The following AVEN variants were observed in gnomAD, a reference collection of about 807,000 sequenced individuals.
AVEN encodes cell death regulator Aven.
In AVEN, 41 loss-of-function variants were observed where a neutral mutation model predicts 38.1. The observed-to-expected ratio is 1.08, with a 90% CI of 0.84 to 1.40. The LOEUF (loss-of-function observed/expected upper bound fraction) is 1.40. Ranked by LOEUF, AVEN falls within the 40% of genes most tolerant of loss-of-function variation. The pLI is 0.00. For missense variants in AVEN, 605 were observed against 438.8 expected, an observed-to-expected ratio of 1.38 and a Z score of -3.38; for synonymous variants, 206 against 171.8, an observed-to-expected ratio of 1.20 and a Z score of -1.56.
At chr15:33,991,199 G>C (rs545289744) in intron 2 of AVEN, 2 of 152,230 alleles carry the variant, frequency 1.3e-5, no homozygotes, top group Non-Finnish European at 2.9e-5. Flanking sequence ...GTGTTTGACG[G>C]TATTAAATCC....
At chr15:34,004,308 G>A (rs1897248234) in intron 1 of AVEN, among the ~76,000 whole-genome samples, 2 of 152,008 alleles carry the variant, frequency 1.3e-5, no homozygotes, top group African/African-American at 4.8e-5. Context: ...AGAGCATGCA[G>A]AAAGATGCAC....
intron 2 of AVEN, among the ~76,000 whole-genome samples, chr15:33,943,172 G>C (rs888150693): frequency 1.3e-5 from 2 of 152,154 alleles, no homozygotes; most frequent in African/African-American, 4.8e-5. Context: ...ATGTTCATAG[G>C]AGCACAATTC....
At chr15:34,074,414 G>T (rs1028973005) in intron 1 of AVEN, among the ~76,000 whole-genome samples, 1 of 152,180 alleles carries the variant, frequency 6.6e-6, no homozygotes, top group Non-Finnish European at 1.5e-5. Flanking sequence ...AAACTGGGTG[G>T]TTTAGAACAA....
At chr15:34,044,236 C>T (rs1476019206) in intron 5 of AVEN, among the ~76,000 whole-genome samples, 7 of 152,170 alleles carry the variant, frequency 4.6e-5, no homozygotes, top group Non-Finnish European at 2.9e-5. Context: ...GCTATTTTAT[C>T]CACTCCTCAA....
chr15:34,052,333 TA>T (rs200125386), intron 5 of AVEN, among the ~76,000 whole-genome samples: 2,408 of 152,224 alleles, frequency 0.016, 81 homozygotes, highest in African/African-American at 0.055. Context: ...GCTAGGTATT[TA>T]AAAAACATAC....
At chr15:33,860,520 T>C (rs1597105294) in intron 11 of AVEN, 3 of 838,676 alleles carry the variant, frequency 3.6e-6, no homozygotes, top group Middle Eastern at 2.3e-4. Flanking sequence ...CAGAACAAAG[T>C]AGCTTCTTCC....
At chr15:33,864,982 T>C (rs919597607), downstream of AVEN, 2 of 600,488 alleles carry the variant, frequency 3.3e-6, no homozygotes, top group Non-Finnish European at 5.9e-6. Context: ...CAGCCTGTGC[T>C]GGGAATAGAG....
At chr15:33,853,405 G>T in the AVEN span, 2 of 1,044,598 alleles carry the variant, frequency 1.9e-6, no homozygotes, top group Non-Finnish European at 2.7e-6. Context: ...TTTTTCTCTG[G>T]GTTTTCTCTT....
intron 2 of AVEN, among the ~76,000 whole-genome samples, chr15:33,984,315 A>G (rs1896323928): frequency 6.6e-6 from 1 of 152,138 alleles, no homozygotes; most frequent in South Asian, 2.1e-4. Flanking sequence ...AAGTAATTGG[A>G]CCTTAATGTC....
intron 2 of AVEN, among the ~76,000 whole-genome samples, chr15:33,897,591 A>C (rs1218071110): frequency 1.3e-5 from 2 of 152,008 alleles, no homozygotes; most frequent in Non-Finnish European, 2.9e-5. Context: ...TTTTTAAACA[A>C]CAGCTGCCAG....
chr15:33,955,592 T>C (rs982966943), intron 2 of AVEN, among the ~76,000 whole-genome samples: 135 of 152,284 alleles, frequency 8.9e-4, no homozygotes, highest in African/African-American at 3.2e-3. Flanking sequence ...TTATGAATTT[T>C]AGAATTCTGA....
intron 2 of AVEN, among the ~76,000 whole-genome samples, chr15:33,941,574 C>T (rs566227255): frequency 2.6e-5 from 4 of 152,024 alleles, no homozygotes; most frequent in African/African-American, 9.6e-5. Flanking sequence ...GGGAACCGCA[C>T]AATTTACATT....
At chr15:33,923,669 T>A (rs605185) in intron 2 of AVEN, among the ~76,000 whole-genome samples, 107,690 of 151,872 alleles carry the variant, frequency 0.71, 38,330 homozygotes, top group East Asian at 0.81. Flanking sequence ...CTCAAGTGGT[T>A]GTTTGCCCAC....
intron 2 of AVEN, among the ~76,000 whole-genome samples, chr15:33,998,165 A>C (rs1567457579): frequency 1.3e-5 from 2 of 152,134 alleles, no homozygotes; most frequent in African/African-American, 4.8e-5. Flanking sequence ...AAACTGCCCA[A>C]GCCCCAGCAA....
intron 2 of AVEN, among the ~76,000 whole-genome samples, chr15:33,955,843 T>C (rs982514785): frequency 6.6e-6 from 1 of 152,168 alleles, no homozygotes; most frequent in African/African-American, 2.4e-5. Flanking sequence ...TAATTCACCA[T>C]AAGAAAAGCT....
At chr15:34,008,735 G>A (rs564698182) in intron 1 of AVEN, among the ~76,000 whole-genome samples, 2 of 152,032 alleles carry the variant, frequency 1.3e-5, no homozygotes, top group East Asian at 2.0e-4. Context: ...TGATCTGCCC[G>A]CTTCAGCCTC....
chr15:33,870,527 C>T (rs1367238880), intron 4 of AVEN, among the ~76,000 whole-genome samples: 1 of 152,174 alleles, frequency 6.6e-6, no homozygotes, highest in East Asian at 1.9e-4. Context: ...GGATGTATTA[C>T]AATTTGTATA....
rs1282302348 is a variant in AVEN at position 33,866,700 on chromosome 15, T to TTCTTCAGTCACAGATGGTTTTGCA, written c.978_1001dup (p.Glu333_Glu334insAspAlaLysProSerValThrGlu). 3 of 1,614,088 alleles carry TTCTTCAGTCACAGATGGTTTTGCA rather than the reference T, an allele frequency of 1.9e-6. No individual in the cohort carries two copies. The highest frequency in any genetic ancestry group is 2.5e-6 in the Non-Finnish European group (3 of 1,179,938). The stretch of plus-strand genomic sequence containing the variant: ...TTGGTTGCTCAGGTTCCATGTTTTT[T>TTCTTCAGTCACAGATGGTTTTGCA]TCTTCAGTCACAGATGGTTTTGCAC... On this transcript the variant is annotated inframe_insertion, in exon 6 of 6. Transcript: ENST00000306730.
chr15:33,904,694 A>AAAAAT (rs1464894437), intron 2 of AVEN, among the ~76,000 whole-genome samples: 18 of 112,754 alleles, frequency 1.6e-4, no homozygotes, highest in South Asian at 5.6e-4. Context: ...AAAAAAAAAA[A>AAAAAT]ATATATATAT....
Sources: allele counts gnomAD v4.1 joint callset (sites outside exome capture counted in the v4.1 genomes callset), GRCh38; gene constraint gnomAD v4.1.1; transcripts MANE v1.5; gene names NCBI Gene and HGNC (gene_info 2026-07-23, HGNC 2026-07-21).